Variants in KALRN observed in about 807,000 individuals in gnomAD.
The protein encoded by KALRN is kalirin.
In KALRN, 70 loss-of-function variants were observed where a neutral mutation model predicts 353.7. The ratio of observed to expected loss-of-function variants is 0.20; its 90% confidence interval spans 0.16 to 0.24. KALRN has a LOEUF of 0.24. Ranked by LOEUF, KALRN falls within the 10% of genes least tolerant of loss-of-function variation. The pLI is 1.00. For synonymous variants in KALRN, 1,391 were observed against 1,434.8 expected, an observed-to-expected ratio of 0.97 and a Z score of 0.69; for missense variants, 2,791 against 3,756.7, an observed-to-expected ratio of 0.74 and a Z score of 6.72.
chr3:124,566,081 G>T (rs551572625), intron 34 of KALRN, among the ~76,000 whole-genome samples: 2 of 152,154 alleles, frequency 1.3e-5, no homozygotes, highest in African/African-American at 4.8e-5. Context: ...TTTATTTCCA[G>T]GTTGGTTCCT....
At chr3:124,204,337 A>G (rs1181110823) in intron 1 of KALRN, among the ~76,000 whole-genome samples, 5 of 152,236 alleles carry the variant, frequency 3.3e-5, no homozygotes, top group African/African-American at 1.2e-4. Flanking sequence ...AAAATCTTCT[A>G]AACCAAATGG....
chr3:124,233,815 G>A (rs1364896417), intron 2 of KALRN, among the ~76,000 whole-genome samples: 1 of 152,134 alleles, frequency 6.6e-6, no homozygotes, highest in Non-Finnish European at 1.5e-5. Flanking sequence ...GGTATATCCA[G>A]TGGCCACCTG....
At chr3:124,591,832 C>T in intron 34 of KALRN, among the ~76,000 whole-genome samples, 1 of 152,182 alleles carries the variant, frequency 6.6e-6, no homozygotes, top group East Asian at 1.9e-4. Context: ...TGGCTCAAAC[C>T]ATTGTCAACA....
chr3:124,299,226 TG>T (rs1006690840), intron 6 of KALRN, among the ~76,000 whole-genome samples: 1 of 152,184 alleles, frequency 6.6e-6, no homozygotes, highest in Non-Finnish European at 1.5e-5. Flanking sequence ...CAACGTTTTT[TG>T]GTCCCCAGCA....
At chr3:124,405,771 G>A (rs1004064860) in intron 13 of KALRN, among the ~76,000 whole-genome samples, 1 of 150,842 alleles carries the variant, frequency 6.6e-6, no homozygotes, top group East Asian at 2.0e-4. Context: ...AGCCTCCTGA[G>A]TAGCTGGGAC....
chr3:124,637,156 G>A (rs756968856), intron 36 of KALRN, 52 bp from the exon 37 acceptor site: 13 of 1,386,738 alleles, frequency 9.4e-6, no homozygotes, highest in African/African-American at 2.9e-5. Flanking sequence ...CCTGATCACT[G>A]TTCCTTATTC....
chr3:124,189,613 G>A (rs1160056638), intron 1 of KALRN, among the ~76,000 whole-genome samples: 2 of 151,924 alleles, frequency 1.3e-5, no homozygotes, highest in Non-Finnish European at 2.9e-5. Context: ...GACCAGCCTG[G>A]CCAACATGGT....
intron 1 of KALRN, among the ~76,000 whole-genome samples, chr3:124,051,855 A>G (rs893846629): frequency 6.6e-6 from 1 of 152,208 alleles, no homozygotes; most frequent in Non-Finnish European, 1.5e-5. Context: ...GGTAAGTGGC[A>G]GAGTCAGATG....
intron 37 of KALRN, among the ~76,000 whole-genome samples, chr3:124,649,790 A>ATAG (rs2083181913): frequency 7.5e-6 from 1 of 132,800 alleles, no homozygotes; most frequent in Non-Finnish European, 1.6e-5. Context: ...CCTGTCTCAA[A>ATAG]ATAGATAGAT....
At chr3:124,298,587 TG>T (rs200524009) in intron 5 of KALRN, among the ~76,000 whole-genome samples, 1,687 of 152,280 alleles carry the variant, frequency 0.011, 15 homozygotes, top group Non-Finnish European at 0.017. Flanking sequence ...CAGCGGCTGC[TG>T]GTGGGGTCTT....
rs780382140 is a variant in KALRN, at chr3:124,413,649, G to C, written c.2526G>C (p.Thr842=). The C allele has an allele frequency of 6.2e-7, 1 of 1,613,694 alleles. No individual in the cohort carries two copies. The highest frequency in any genetic ancestry group is 2.2e-5 in the East Asian group (1 of 44,862). ...GACAGGATCTGCACCAGTACATCAC[G>C]GAGGTCCAGGCATCAGGTGGGTGAC... ...QQGQDLHQYI[T]EVQASGIELI... The change falls in exon 14 of 60, where the codon ACG becomes ACC. Residue 842 remains threonine, a synonymous_variant. Coordinates refer to ENST00000682506, the MANE Select transcript of KALRN (RefSeq NM_001388419.1).
intron 9 of KALRN, among the ~76,000 whole-genome samples, chr3:124,342,373 A>C (rs902270628): frequency 1.3e-5 from 2 of 152,144 alleles, no homozygotes; most frequent in Non-Finnish European, 2.9e-5. Context: ...ATGTGTATGC[A>C]TTATTTATCT....
At chr3:124,293,674 T>C (rs1445825503) in intron 5 of KALRN, among the ~76,000 whole-genome samples, 1 of 152,248 alleles carries the variant, frequency 6.6e-6, no homozygotes, top group Non-Finnish European at 1.5e-5. Flanking sequence ...ATCTATCTTC[T>C]TAATGAGACT....
At chr3:124,267,218 A>G (rs1312803274) in intron 4 of KALRN, among the ~76,000 whole-genome samples, 1 of 152,238 alleles carries the variant, frequency 6.6e-6, no homozygotes, top group Non-Finnish European at 1.5e-5. Flanking sequence ...GGTAAGTATA[A>G]TGATGGAGGA....
chr3:124,452,662 G>A lies in KALRN; in HGVS notation c.3553-2515G>A, dbSNP rs6762245. On this transcript the variant is annotated intron_variant, in intron 21 of 59. Coordinates refer to ENST00000682506, the MANE Select transcript of KALRN (RefSeq NM_001388419.1). ...GCAGTGGAGACAGGGCTGCTACAAAGGTAGGTGGAGCCGCATGGGGAAGGG... is the reference window on the plus strand; with the variant it reads ...GCAGTGGAGACAGGGCTGCTACAAAAGTAGGTGGAGCCGCATGGGGAAGGG... Among the ~76,000 whole-genome samples the A allele has an allele frequency of 8.9e-3, 1,355 of 152,186 alleles. 14 individuals carry two copies. The highest frequency in any genetic ancestry group is 0.031 in the African/African-American group (1,284 of 41,502).
intron 6 of KALRN, among the ~76,000 whole-genome samples, chr3:124,305,092 A>T (rs1399313647): frequency 1.3e-5 from 2 of 152,218 alleles, no homozygotes; most frequent in African/African-American, 4.8e-5. Context: ...CATTCAGGAA[A>T]GCACACCATT....
In KALRN at chr3:124,152,076, G is replaced by A. The variant is rs532081296; in HGVS notation, c.74-75914G>A. On this transcript the variant is annotated intron_variant, in intron 1 of 59. Coordinates refer to ENST00000682506, the MANE Select transcript of KALRN (RefSeq NM_001388419.1). Reference sequence around the variant, plus strand: ...TCTCATGGAGAAGATAATTTAAAGGGCCACAGGAAGTTATTTGCTTCTTTG... The same window carrying A: ...TCTCATGGAGAAGATAATTTAAAGGACCACAGGAAGTTATTTGCTTCTTTG... 9.9e-4 allele frequency: 1,274 copies of A among 1,286,766 alleles called. 11 individuals carry two copies. Among genetic ancestry groups the A allele is most frequent in the South Asian group, 7.2e-3 (609 of 84,646 alleles). 79.7% of individuals were successfully genotyped at this position (1,286,766 alleles called of 1,614,324 possible). A position where few individuals can be genotyped will look rare whatever the true frequency, so the allele number is the denominator to read the frequency against.
chr3:124,388,531 G>A (rs2088801023), intron 11 of KALRN, among the ~76,000 whole-genome samples: 1 of 152,114 alleles, frequency 6.6e-6, no homozygotes, highest in South Asian at 2.1e-4. Context: ...TGCTCAATAA[G>A]TATTGAATAA....
At chr3:124,332,099 C>T (rs1161343036) in intron 8 of KALRN, among the ~76,000 whole-genome samples, 4 of 152,128 alleles carry the variant, frequency 2.6e-5, no homozygotes, top group Non-Finnish European at 5.9e-5. Flanking sequence ...CTTCCCCCAC[C>T]CCACTCCCCT....
Sources: allele counts gnomAD v4.1 joint callset (sites outside exome capture counted in the v4.1 genomes callset), GRCh38; gene constraint gnomAD v4.1.1; transcripts MANE v1.5; gene names NCBI Gene and HGNC (gene_info 2026-07-23, HGNC 2026-07-21).